Variants in NRXN1 observed in about 807,000 individuals in gnomAD.
The protein encoded by NRXN1 is neurexin-1.
A neutral mutation model predicts 150.9 loss-of-function variants in NRXN1; 39 were observed. The observed-to-expected ratio is 0.26, with a 90% CI of 0.20 to 0.34. The LOEUF is 0.34. Ranked by LOEUF, NRXN1 falls within the 10% of genes least tolerant of loss-of-function variation. NRXN1 has a pLI of 1.00. For missense variants in NRXN1, 1,815 were observed against 1,949.9 expected, an observed-to-expected ratio of 0.93 and a Z score of 1.30; for synonymous variants, 924 against 757.0, an observed-to-expected ratio of 1.22 and a Z score of -3.62.
At chr2:50,393,640 C>G (rs889254615) in intron 17 of NRXN1, among the ~76,000 whole-genome samples, 2 of 152,016 alleles carry the variant, frequency 1.3e-5, no homozygotes, top group African/African-American at 4.8e-5. Flanking sequence ...TTCATTTTTA[C>G]TAGTATTTTT....
chr2:50,507,948 C>T (rs568296808), intron 12 of NRXN1, among the ~76,000 whole-genome samples: 28 of 148,610 alleles, frequency 1.9e-4, no homozygotes, highest in South Asian at 4.3e-4. Context: ...CCAAGGATCA[C>T]GGGAGGATAT....
At position 51,028,110 on chromosome 2, in the gene NRXN1, C is replaced by G. The variant is rs2105333752; in HGVS notation, c.164G>C (p.Ser55Thr). The change falls in exon 2 of 23, where the codon AGC becomes ACC. Residue 55 changes from serine to threonine, a missense_variant. Ser to Thr is a moderately conservative substitution (Grantham distance 58, BLOSUM62 1). This residue lies in a region of NRXN1 where 554 missense variants were observed against 478.8 expected (regional missense o/e 1.16). Coordinates refer to ENST00000401669, the MANE Select transcript of NRXN1 (RefSeq NM_001330078.2). ...GGCGCTGCGAGTCTTGAGCTGGAAG[C>G]TCATCTCGCTCTCGCAGCAGGCGTT... ...KWNACCESEM[S>T]FQLKTRSARG... 6.3e-7 allele frequency: 1 copy of G among 1,576,414 alleles called. No individual in the cohort carries two copies. Among genetic ancestry groups the G allele is most frequent in the Non-Finnish European group, 8.6e-7 (1 of 1,163,802 alleles).
intron 5 of NRXN1, among the ~76,000 whole-genome samples, chr2:50,646,890 A>G (rs1684894490): frequency 1.3e-5 from 2 of 151,792 alleles, no homozygotes; most frequent in African/African-American, 4.8e-5. Context: ...ACAGGGAGGA[A>G]CAGGACAGGA....
At chr2:50,102,852 T>A (rs1179135761) in intron 18 of NRXN1, among the ~76,000 whole-genome samples, 1 of 152,090 alleles carries the variant, frequency 6.6e-6, no homozygotes, top group Admixed American at 6.6e-5. Context: ...TTATAGCTAT[T>A]AAGATGTGCA....
chr2:50,939,029 G>T (rs746911202), intron 2 of NRXN1, among the ~76,000 whole-genome samples: 1 of 151,878 alleles, frequency 6.6e-6, no homozygotes, highest in Non-Finnish European at 1.5e-5. Context: ...GGTTAACATG[G>T]TGAAACCCTG....
chr2:50,088,560 T>C (rs937789833), intron 19 of NRXN1, among the ~76,000 whole-genome samples: 1 of 152,186 alleles, frequency 6.6e-6, no homozygotes, highest in Admixed American at 6.5e-5. Flanking sequence ...TAAAAGGGCA[T>C]TTAAAATCTC....
chr2:50,262,278 T>C (rs2068365460), intron 17 of NRXN1, among the ~76,000 whole-genome samples: 1 of 151,906 alleles, frequency 6.6e-6, no homozygotes, highest in African/African-American at 2.4e-5. Flanking sequence ...TACAGAAGAA[T>C]TGAATAGTGT....
intron 17 of NRXN1, among the ~76,000 whole-genome samples, chr2:50,407,240 G>T (rs1686925631): frequency 6.6e-6 from 1 of 152,014 alleles, no homozygotes; most frequent in Non-Finnish European, 1.5e-5. Context: ...TAAAACATAT[G>T]TAACATTTTC....
intron 21 of NRXN1, among the ~76,000 whole-genome samples, chr2:49,989,879 C>G (rs1386222465): frequency 6.6e-6 from 1 of 152,014 alleles, no homozygotes; most frequent in Admixed American, 6.6e-5. Context: ...GAAAAAATGA[C>G]ATAGCATTAT....
chr2:50,400,742 A>C (rs1166262190), intron 17 of NRXN1, among the ~76,000 whole-genome samples: 1 of 152,194 alleles, frequency 6.6e-6, no homozygotes, highest in Non-Finnish European at 1.5e-5. Context: ...GCTGAAACTG[A>C]AAAAAAGTGT....
intron 5 of NRXN1, among the ~76,000 whole-genome samples, chr2:50,909,898 C>T (rs554265523): frequency 1.3e-5 from 2 of 152,028 alleles, no homozygotes; most frequent in Non-Finnish European, 2.9e-5. Flanking sequence ...GATCTTAATA[C>T]CCTAATCAAA....
intron 5 of NRXN1, among the ~76,000 whole-genome samples, chr2:50,823,495 A>G (rs1486652611): frequency 6.6e-6 from 1 of 152,228 alleles, no homozygotes; most frequent in Non-Finnish European, 1.5e-5. Flanking sequence ...TATTATAAGT[A>G]GTAGCAGAGG....
At chr2:50,791,685 T>C (rs954314404) in intron 5 of NRXN1, among the ~76,000 whole-genome samples, 5 of 152,188 alleles carry the variant, frequency 3.3e-5, no homozygotes, top group Non-Finnish European at 5.9e-5. Context: ...CGTATTCAAA[T>C]TGTATAGCCG....
intron 17 of NRXN1, among the ~76,000 whole-genome samples, chr2:50,453,689 T>C (rs751947424): frequency 2.6e-5 from 4 of 152,140 alleles, no homozygotes; most frequent in Non-Finnish European, 4.4e-5. Flanking sequence ...ATTCCAACTA[T>C]ACCACATCAA....
chr2:50,441,462 C>T lies in NRXN1; in HGVS notation c.3364+23980G>A, dbSNP rs572556094. ...GACACGGAACATTTAACAAGGTTTA[C>T]TTTAGTATGATATTAAAATTCACCC... On this transcript the variant is annotated intron_variant, in intron 17 of 22. Coordinates refer to ENST00000401669, the MANE Select transcript of NRXN1 (RefSeq NM_001330078.2). Among the ~76,000 whole-genome samples the T allele has an allele frequency of 3.3e-5, 5 of 152,214 alleles. No homozygotes were observed. The South Asian group carries it at 1.0e-3, about 32-fold the overall frequency.
chr2:50,202,607 T>C (rs2062258619), intron 18 of NRXN1, among the ~76,000 whole-genome samples: 2 of 152,158 alleles, frequency 1.3e-5, no homozygotes, highest in South Asian at 4.1e-4. Flanking sequence ...GACTTAAGCC[T>C]CTTTTCTGGG....
chr2:50,501,565 T>C (rs548308427), intron 13 of NRXN1, among the ~76,000 whole-genome samples: 2 of 152,122 alleles, frequency 1.3e-5, no homozygotes, highest in East Asian at 3.9e-4. Flanking sequence ...AGGAAGGGAA[T>C]GATGATGCCT....
chr2:50,317,725 A>G (rs943815378), intron 17 of NRXN1, among the ~76,000 whole-genome samples: 2 of 152,050 alleles, frequency 1.3e-5, no homozygotes, highest in African/African-American at 4.8e-5. Flanking sequence ...AGAAAGCCTT[A>G]CTTTGTAAAA....
intron 15 of NRXN1, among the ~76,000 whole-genome samples, chr2:50,478,723 T>G (rs1296251622): frequency 2.0e-5 from 3 of 152,166 alleles, no homozygotes; most frequent in Non-Finnish European, 4.4e-5. Context: ...TCATCTCCCT[T>G]GCTGTGAAAT....
Sources: allele counts gnomAD v4.1 joint callset (sites outside exome capture counted in the v4.1 genomes callset), GRCh38; gene constraint gnomAD v4.1.1; regional missense constraint gnomAD v4.1.1; transcripts MANE v1.5; gene names NCBI Gene and HGNC (gene_info 2026-07-23, HGNC 2026-07-21).